Variants in KCNN2 observed in about 807,000 individuals in gnomAD.
KCNN2 encodes the protein small conductance calcium-activated potassium channel protein 2.
In KCNN2, 24 loss-of-function variants were observed where a neutral mutation model predicts 55.5. That is an observed-to-expected ratio of 0.43 (90% confidence interval 0.31 to 0.61). KCNN2 has a LOEUF of 0.61. KCNN2 is among the 20% of genes least tolerant of loss of function. KCNN2 has a pLI of 0.08. For synonymous variants in KCNN2, 431 were observed against 336.1 expected, an observed-to-expected ratio of 1.28 and a Z score of -3.09; for missense variants, 754 against 853.6, an observed-to-expected ratio of 0.88 and a Z score of 1.45.
chr5:114,381,726 A>G (rs1276448624), intron 2 of KCNN2, among the ~76,000 whole-genome samples: 2 of 152,212 alleles, frequency 1.3e-5, no homozygotes, highest in Non-Finnish European at 2.9e-5. Flanking sequence ...TTTCCTGAGC[A>G]ACATTTGCGT....
At chr5:114,260,104 T>C (rs1240919606) in intron 2 of KCNN2, among the ~76,000 whole-genome samples, 1 of 152,214 alleles carries the variant, frequency 6.6e-6, no homozygotes, top group Non-Finnish European at 1.5e-5. Flanking sequence ...TCTACCACCC[T>C]ACTCCAAGAT....
chr5:114,418,005 G>A (rs1759359570), intron 3 of KCNN2, among the ~76,000 whole-genome samples: 1 of 152,150 alleles, frequency 6.6e-6, no homozygotes, highest in Non-Finnish European at 1.5e-5. Context: ...TGGGGTAAAT[G>A]TTTCTGCACA....
chr5:114,168,369 C>A (rs973307909), intron 1 of KCNN2, among the ~76,000 whole-genome samples: 4 of 151,886 alleles, frequency 2.6e-5, no homozygotes, highest in African/African-American at 9.7e-5. Flanking sequence ...CTATTTTTGC[C>A]TAAAAGACGC....
intron 2 of KCNN2, among the ~76,000 whole-genome samples, chr5:114,262,571 C>T (rs557280797): frequency 3.2e-4 from 49 of 152,166 alleles, no homozygotes; most frequent in Non-Finnish European, 6.0e-4. Flanking sequence ...TTCAGCTGTG[C>T]GGCAATTGCC....
At chr5:114,189,514 C>T (rs1012163009) in intron 1 of KCNN2, among the ~76,000 whole-genome samples, 2 of 152,134 alleles carry the variant, frequency 1.3e-5, no homozygotes, top group South Asian at 4.1e-4. Flanking sequence ...CCCTGTCAAA[C>T]AGAATAATGT....
intron 1 of KCNN2, among the ~76,000 whole-genome samples, chr5:114,149,417 C>T (rs114620733): frequency 2.5e-3 from 386 of 152,218 alleles, no homozygotes; most frequent in Middle Eastern, 6.8e-3. Flanking sequence ...CTAGGCAGAT[C>T]GACAGGTCGA....
At chr5:114,225,603 CAAAT>C (rs375098200) in intron 2 of KCNN2, among the ~76,000 whole-genome samples, 113 of 151,546 alleles carry the variant, frequency 7.5e-4, no homozygotes, top group African/African-American at 2.7e-3. Context: ...AAATATTTAT[CAAAT>C]GAATGAATGA....
chr5:114,082,009 A>G (rs1182055440), intron 1 of KCNN2, among the ~76,000 whole-genome samples: 3 of 152,236 alleles, frequency 2.0e-5, no homozygotes, highest in Non-Finnish European at 4.4e-5. Context: ...CAAAGAAGAT[A>G]TAAAAATGTC....
intron 2 of KCNN2, among the ~76,000 whole-genome samples, chr5:114,401,914 G>A (rs560592958): frequency 6.6e-6 from 1 of 152,200 alleles, no homozygotes; most frequent in African/African-American, 2.4e-5. Context: ...ATCAGGCCAT[G>A]GTGGGCCTTT....
chr5:114,149,381 A>G (rs1262023925), intron 1 of KCNN2, among the ~76,000 whole-genome samples: 2 of 152,138 alleles, frequency 1.3e-5, no homozygotes, highest in Non-Finnish European at 2.9e-5. Flanking sequence ...AGCAGCCCAC[A>G]GTGCAGCGGG....
At chr5:114,442,923 T>C (rs1561386525) in intron 3 of KCNN2, among the ~76,000 whole-genome samples, 1 of 152,104 alleles carries the variant, frequency 6.6e-6, no homozygotes, top group East Asian at 1.9e-4. Context: ...AAGGGTAAAT[T>C]GGAACGTCAT....
At chr5:114,323,649 A>ATTTTGTTTTTTTTTTTTTTTTT (rs1756656133) in intron 2 of KCNN2, among the ~76,000 whole-genome samples, 1 of 85,318 alleles carries the variant, frequency 1.2e-5, no homozygotes, top group Non-Finnish European at 2.3e-5. Flanking sequence ...AAACATATCA[A>ATTTTGTTTTTTTTTTTTTTTTT]TTTTTTTTTT....
At chr5:114,187,884 G>GGCTCACTGCAACCTCC (rs1448827317) in intron 1 of KCNN2, among the ~76,000 whole-genome samples, 1 of 136,562 alleles carries the variant, frequency 7.3e-6, no homozygotes, top group Non-Finnish European at 1.6e-5. Flanking sequence ...GCGCAATCTC[G>GGCTCACTGCAACCTCC]GCTCACTGCA....
At chr5:114,472,294 C>T (rs376000099) in intron 4 of KCNN2, among the ~76,000 whole-genome samples, 15 of 152,114 alleles carry the variant, frequency 9.9e-5, no homozygotes, top group South Asian at 2.1e-4. Context: ...GATCACGGAG[C>T]GGGAGGACTG....
chr5:114,212,849 C>CT (rs1167798993), intron 1 of KCNN2, among the ~76,000 whole-genome samples: 1 of 152,036 alleles, frequency 6.6e-6, no homozygotes, highest in African/African-American at 2.4e-5. Flanking sequence ...GTAGTGGCCT[C>CT]TTTCAGCCTC....
intron 2 of KCNN2, among the ~76,000 whole-genome samples, chr5:114,308,695 A>C (rs949080030): frequency 4.6e-5 from 7 of 152,186 alleles, no homozygotes; most frequent in Non-Finnish European, 8.8e-5. Context: ...GTTGGAGCTG[A>C]AAGATGCTAA....
At chr5:114,087,365 G>T (rs1580499684) in intron 1 of KCNN2, among the ~76,000 whole-genome samples, 2 of 152,230 alleles carry the variant, frequency 1.3e-5, no homozygotes, top group South Asian at 4.1e-4. Context: ...CTCATGTTCA[G>T]AATGGTGTTT....
In KCNN2 at chr5:114,496,168, T is replaced by C; in HGVS notation, c.2362T>C (p.Ser788Pro). ...CTCTTCCACAGCACCACCAACTTCA[T>C]CAGAGAGTAGCTAGAAGAGAATAAG... ...RSSSTAPPTSSESS is the reference protein window; with the variant it reads ...RSSSTAPPTSPESS The change falls in exon 8 of 8, where the codon TCA (serine) becomes CCA (proline). Residue 788 changes from serine (S) to proline (P), a missense_variant. Physicochemically the swap from Ser to Pro is moderately conservative, Grantham distance 74 (BLOSUM62 -1). This residue lies in a region of KCNN2 where 164 missense variants were observed against 156.6 expected (regional missense o/e 1.05). Transcript: ENST00000673685. 2 of 1,613,858 alleles carry C rather than the reference T, an allele frequency of 1.2e-6. No individual in the cohort carries two copies. The highest frequency in any genetic ancestry group is 1.7e-6 in the Non-Finnish European group (2 of 1,179,910).
chr5:114,163,171 T>G (rs1561504182), intron 1 of KCNN2, among the ~76,000 whole-genome samples: 1 of 152,170 alleles, frequency 6.6e-6, no homozygotes, highest in Non-Finnish European at 1.5e-5. Context: ...CTTAAGCTGT[T>G]TGTTTAGGAA....
Sources: allele counts gnomAD v4.1 joint callset (sites outside exome capture counted in the v4.1 genomes callset), GRCh38; gene constraint gnomAD v4.1.1; regional missense constraint gnomAD v4.1.1; transcripts MANE v1.5; gene names NCBI Gene and HGNC (gene_info 2026-07-23, HGNC 2026-07-21).